Variants in PIWIL2 observed in about 807,000 individuals in gnomAD.
PIWIL2 encodes piwi-like protein 2.
A neutral mutation model predicts 116.5 loss-of-function variants in PIWIL2; 81 were observed. The ratio of observed to expected loss-of-function variants is 0.70; its 90% CI spans 0.58 to 0.84. The LOEUF (loss-of-function observed/expected upper bound fraction) is 0.84. Among genes scored for constraint, PIWIL2 ranks in the 40% least tolerant of loss-of-function variants. The probability of loss-of-function intolerance (pLI) is 0.00; values close to 1 mark genes in which losing one functional copy is unlikely to be tolerated. For synonymous variants in PIWIL2, 489 were observed against 429.5 expected, an observed-to-expected ratio of 1.14 and a Z score of -1.71; for missense variants, 1,272 against 1,212.3, an observed-to-expected ratio of 1.05 and a Z score of -0.73.
intron 20 of PIWIL2, among the ~76,000 whole-genome samples, chr8:22,335,721 T>C (rs56045325): frequency 2.2e-4 from 33 of 152,118 alleles, no homozygotes; most frequent in African/African-American, 7.7e-4. Context: ...CTAAATTTGT[T>C]GTTGTTGTTG....
intron 10 of PIWIL2, among the ~76,000 whole-genome samples, chr8:22,297,653 A>G (rs906511065): frequency 1.3e-5 from 2 of 152,086 alleles, no homozygotes; most frequent in Non-Finnish European, 2.9e-5. Context: ...TATGGGAGAG[A>G]GATTGGGCTC....
At chr8:22,296,353 C>T (rs1830907280) in intron 10 of PIWIL2, among the ~76,000 whole-genome samples, 1 of 152,096 alleles carries the variant, frequency 6.6e-6, no homozygotes, top group Admixed American at 6.5e-5. Flanking sequence ...CCCCCTCTTC[C>T]CTTCTTAAGG....
At chr8:22,342,413 T>C (rs1563424403) in intron 20 of PIWIL2, among the ~76,000 whole-genome samples, 3 of 152,138 alleles carry the variant, frequency 2.0e-5, no homozygotes, top group Non-Finnish European at 1.5e-5. Context: ...TTGTGTGGTA[T>C]TGATGAAAAG....
At chr8:22,311,027 A>T in intron 15 of PIWIL2, 85 bp from the exon 16 acceptor site, 1 of 1,164,508 alleles carries the variant, frequency 8.6e-7, no homozygotes, top group Non-Finnish European at 1.2e-6. Flanking sequence ...AGTGAAAAGT[A>T]ATTTATTCTC....
In PIWIL2 at chr8:22,305,950, G is replaced by A. The variant is rs1167043686; in HGVS notation, c.1479G>A (p.Leu493=). 11 of 1,613,990 alleles carry A rather than the reference G, an allele frequency of 6.8e-6. No homozygotes were observed. The East Asian group carries it at 2.2e-4, about 33-fold the overall frequency. ...AGCTGCTAAAAGGGGAAATCCTGCT[G>A]CTGCCTGAGCTTTCTTTTATGACCG... ...HGMLLKGEIL[L]LPELSFMTGI... The change falls in exon 13 of 23, where the codon CTG becomes CTA. Residue 493 remains leucine (L), a synonymous_variant. Transcript: ENST00000356766.
intron 20 of PIWIL2, among the ~76,000 whole-genome samples, chr8:22,322,811 G>A (rs1324053511): frequency 1.3e-5 from 2 of 152,192 alleles, no homozygotes; most frequent in African/African-American, 4.8e-5. Flanking sequence ...AAAGTGCCGG[G>A]ATTACAGACG....
chr8:22,349,042 TTC>T (rs1326576541), intron 20 of PIWIL2, among the ~76,000 whole-genome samples: 1 of 117,082 alleles, frequency 8.5e-6, no homozygotes, highest in East Asian at 4.0e-4. Flanking sequence ...ATTTCTATTT[TTC>T]TTTTTTCTTT....
intron 10 of PIWIL2, among the ~76,000 whole-genome samples, chr8:22,303,527 C>A (rs1461463786): frequency 6.6e-6 from 1 of 151,992 alleles, no homozygotes; most frequent in East Asian, 1.9e-4. Flanking sequence ...TCTGGAGTAT[C>A]TGGGACTACA....
At chr8:22,349,419 GTA>G (rs71206515) in intron 20 of PIWIL2, among the ~76,000 whole-genome samples, 4,285 of 134,340 alleles carry the variant, frequency 0.032, 73 homozygotes, top group Non-Finnish European at 0.038. Context: ...ATGTGTGTGT[GTA>G]TATATATATA....
rs771279815 is a variant in PIWIL2 at position 22,281,495 on chromosome 8, G to A, written c.405G>A (p.Glu135=). ...CGGCTGGGGACAGCAAGATGGCAGA[G>A]ACCTCCGTTGGTTGGAGTAGGTGGG... is the stretch of plus-strand genomic sequence containing the variant. ...VLAAGDSKMA[E]TSVGWSRTLG... Residue 135 remains glutamate, a synonymous_variant, in exon 4 of 23, where the codon GAG becomes GAA. Coordinates refer to ENST00000356766, the MANE Select transcript of PIWIL2 (RefSeq NM_018068.5). The A allele has an allele frequency of 2.5e-6, 4 of 1,585,744 alleles. No individual in the cohort carries two copies. The South Asian group carries it at 4.7e-5, about 19-fold the overall frequency.
In PIWIL2 at chr8:22,357,149, A is replaced by G. The variant is rs1832506040; in HGVS notation, c.*1644A>G. 2 of 152,240 alleles carry G rather than the reference A, an allele frequency of 1.3e-5. No individual in the cohort carries two copies. The highest frequency in any genetic ancestry group is 4.8e-5 in the African/African-American group (2 of 41,464). The allele number at this position is 152,240 out of a possible 1,614,324, so 9.4% of individuals were successfully genotyped here. A position where few individuals can be genotyped will look rare whatever the true frequency, so the allele number is the denominator to read the frequency against. On this transcript the variant is annotated 3_prime_UTR_variant, in exon 23 of 23. Coordinates refer to ENST00000356766, the MANE Select transcript of PIWIL2 (RefSeq NM_018068.5). ...ATAGAGAAGATTAGCATATAGAAAA[A>G]AAGAAAAAAGATTTCCTTAAAACAA... is the stretch of plus-strand genomic sequence containing the variant.
At chr8:22,307,398 A>G (rs1470416334) in intron 13 of PIWIL2, among the ~76,000 whole-genome samples, 1 of 151,694 alleles carries the variant, frequency 6.6e-6, no homozygotes, top group Admixed American at 6.6e-5. Flanking sequence ...AAGTCAAAAT[A>G]TGCTTTGAGA....
chr8:22,303,335 A>G (rs1053091752), intron 10 of PIWIL2, among the ~76,000 whole-genome samples: 1 of 152,240 alleles, frequency 6.6e-6, no homozygotes, highest in Admixed American at 6.5e-5. Flanking sequence ...CTCTATGTCC[A>G]CATTTTGCAA....
At chr8:22,334,219 C>T (rs1831927208) in intron 20 of PIWIL2, among the ~76,000 whole-genome samples, 2 of 151,820 alleles carry the variant, frequency 1.3e-5, no homozygotes, top group Admixed American at 6.6e-5. Flanking sequence ...AGGTGATCCA[C>T]CTTCCTTGGC....
chr8:22,308,393 C>T (rs935433119), intron 14 of PIWIL2, among the ~76,000 whole-genome samples: 1 of 151,994 alleles, frequency 6.6e-6, no homozygotes, highest in African/African-American at 2.4e-5. Flanking sequence ...TGGCTCACGC[C>T]TGTAATCCCA....
chr8:22,341,744 C>T (rs934996289), intron 20 of PIWIL2, among the ~76,000 whole-genome samples: 7 of 152,048 alleles, frequency 4.6e-5, no homozygotes, highest in African/African-American at 1.7e-4. Context: ...TAAAGATACT[C>T]TTTATCACTA....
chr8:22,324,223 C>T (rs1284726973), intron 20 of PIWIL2, among the ~76,000 whole-genome samples: 2 of 152,208 alleles, frequency 1.3e-5, no homozygotes, highest in Non-Finnish European at 2.9e-5. Context: ...GATCACGCCA[C>T]TGCGCTCCAG....
Position 22,311,207 on chromosome 8 carries a change from T to A in PIWIL2, c.1896T>A (p.Ile632=). 1 of 1,614,166 alleles carries A rather than the reference T, an allele frequency of 6.2e-7. No individual in the cohort carries two copies. The highest frequency in any genetic ancestry group is 8.5e-7 in the Non-Finnish European group (1 of 1,180,006). The stretch of plus-strand genomic sequence containing the variant: ...TGTTGGAGAAGATAGCCGGCCCCAT[T>A]GGCATGCGTATGAGCCCACCGGCCT... ...VNMLEKIAGP[I]GMRMSPPAWV... is the part of the protein sequence containing the mutation. Residue 632 remains isoleucine (I), a synonymous_variant, in exon 16 of 23, where the codon ATT becomes ATA. Transcript: ENST00000356766.
intron 10 of PIWIL2, among the ~76,000 whole-genome samples, chr8:22,297,857 T>A (rs1245124255): frequency 6.6e-6 from 1 of 152,188 alleles, no homozygotes; most frequent in African/African-American, 2.4e-5. Flanking sequence ...AAGCCTTATC[T>A]GGCTTCTAAA....
Sources: allele counts gnomAD v4.1 joint callset (sites outside exome capture counted in the v4.1 genomes callset), GRCh38; gene constraint gnomAD v4.1.1; transcripts MANE v1.5; gene names NCBI Gene and HGNC (gene_info 2026-07-23, HGNC 2026-07-21).